PTCD1: variants seen among roughly 807,000 people sequenced by gnomAD.
PTCD1 encodes pentatricopeptide repeat-containing protein 1, mitochondrial.
A neutral mutation model predicts 53.4 loss-of-function variants in PTCD1; 50 were observed. That is an observed-to-expected ratio of 0.94 (90% CI 0.75 to 1.19). PTCD1 has a LOEUF of 1.19. PTCD1 is among the 50% of genes most tolerant of loss of function. The pLI, the probability that PTCD1 is intolerant of heterozygous loss-of-function variation, is 0.00. For missense variants in PTCD1, 918 were observed against 904.8 expected, an observed-to-expected ratio of 1.01 and a Z score of -0.19; for synonymous variants, 413 against 394.8, an observed-to-expected ratio of 1.05 and a Z score of -0.55.
intron 7 of PTCD1, among the ~76,000 whole-genome samples, chr7:99,421,429 TAA>T (rs555898363): frequency 0.017 from 2,077 of 122,070 alleles, 20 homozygotes; most frequent in Non-Finnish European, 0.023. Flanking sequence ...CCCGTCTCTT[TAA>T]AAAAAAAAAA....
intron 5 of PTCD1, 104 bp downstream of exon 5, chr7:99,428,999 T>C: frequency 7.3e-7 from 1 of 1,361,920 alleles, no homozygotes. Context: ...AGCACAGATA[T>C]AAAAATACTC....
At chr7:99,423,076 TC>T (rs1365589925) in intron 7 of PTCD1, among the ~76,000 whole-genome samples, 13 of 145,768 alleles carry the variant, frequency 8.9e-5, no homozygotes, top group African/African-American at 3.5e-4. Context: ...GCTCTTAACC[TC>T]TTTTTTTTTT....
intron 7 of PTCD1, 80 bp from the exon 8 acceptor site, chr7:99,420,229 AGGGAAGCTGGTG>A (rs1795737597): frequency 6.3e-7 from 1 of 1,598,436 alleles, no homozygotes; most frequent in African/African-American, 1.3e-5. Context: ...CTCAGGCCTC[AGGGAAGCTGGTG>A]GCTGCCATTT....
intron 2 of PTCD1, among the ~76,000 whole-genome samples, chr7:99,433,806 C>A (rs1015352619): frequency 3.3e-5 from 5 of 152,128 alleles, no homozygotes; most frequent in Admixed American, 2.0e-4. Context: ...GTAATCCCAG[C>A]ACTTTGGGAG....
chr7:99,425,407 C>T lies in PTCD1; in HGVS notation c.1125G>A (p.Met375Ile). 6.2e-7 allele frequency: 1 copy of T among 1,614,194 alleles called. No individual in the cohort carries two copies. Among genetic ancestry groups the T allele is most frequent in the Non-Finnish European group, 8.5e-7 (1 of 1,180,046 alleles). Residue 375 changes from methionine (M) to isoleucine (I), a missense_variant, in exon 6 of 8, where the codon ATG (methionine) becomes ATA (isoleucine). Transcript: ENST00000292478. ...RTAQAKAGNLMSAMLHVEALE... is the reference protein window; with the variant it reads ...RTAQAKAGNLISAMLHVEALE... ...GGGCCTCCACATGCAGCATGGCTGA[C>T]ATGAGGTTGCCTGCCTTGGCCTGGG...
rs1562847334 is a variant in PTCD1, at chr7:99,434,986, T to C, written c.257A>G (p.Glu86Gly). Reference sequence around the variant, plus strand: ...GTCAGAGAGGGTCCCAAAACTCTCCTCCTCCTCCTCGTCTTCTTCCTGCGT... The same window carrying C: ...GTCAGAGAGGGTCCCAAAACTCTCCCCCTCCTCCTCGTCTTCTTCCTGCGT... ...TATQEEDEEEEESFGTLSDKY... is the reference protein window; with the variant it reads ...TATQEEDEEEGESFGTLSDKY... The change falls in exon 2 of 8, where the codon GAG becomes GGG. Residue 86 changes from glutamate to glycine, a missense_variant. Physicochemically the swap from Glu to Gly is moderately conservative, Grantham distance 98. Coordinates refer to ENST00000292478, the MANE Select transcript of PTCD1 (RefSeq NM_015545.4). 1 of 1,614,174 alleles carries C rather than the reference T, an allele frequency of 6.2e-7. No individual in the cohort carries two copies. Among genetic ancestry groups the C allele is most frequent in the Non-Finnish European group, 8.5e-7 (1 of 1,180,010 alleles).
In PTCD1 at chr7:99,419,553, T is replaced by C. The variant is rs1330735771; in HGVS notation, c.*414A>G. ...CAGGCCCGAGTTGGAGCACGGTCTC[T>C]ATGGGGAAGGCTTCGCTGTCTATCA... On this transcript the variant is annotated 3_prime_UTR_variant, in exon 8 of 8. Transcript: ENST00000292478. 11 of 1,247,726 alleles carry C rather than the reference T, an allele frequency of 8.8e-6. No homozygotes were observed. Among genetic ancestry groups the C allele is most frequent in the East Asian group, 2.3e-5 (1 of 42,882 alleles). The allele number at this position is 1,247,726 out of a possible 1,614,324, so 77.3% of individuals were successfully genotyped here.
At chr7:99,428,287 C>T (rs968975575) in intron 5 of PTCD1, among the ~76,000 whole-genome samples, 2 of 150,862 alleles carry the variant, frequency 1.3e-5, no homozygotes, top group Admixed American at 6.6e-5. Context: ...CCTATAGTCC[C>T]AGCTACTCAG....
At position 99,434,938 on chromosome 7, in the gene PTCD1, A is replaced by G. The variant is rs751050877; in HGVS notation, c.305T>C (p.Phe102Ser). 36 of 1,614,138 alleles carry G rather than the reference A, an allele frequency of 2.2e-5. No individual in the cohort carries two copies. The highest frequency in any genetic ancestry group is 1.0e-5 in the Non-Finnish European group (12 of 1,180,054). ...ATGGAACTGGGCTGCGGATTTGCGGAATAGTCTCCGGGAGGAGTATTTGTC... is the reference window on the plus strand; with the variant it reads ...ATGGAACTGGGCTGCGGATTTGCGGGATAGTCTCCGGGAGGAGTATTTGTC... ...LSDKYSSRRLFRKSAAQFHNL... is the reference protein window; with the variant it reads ...LSDKYSSRRLSRKSAAQFHNL... The change falls in exon 2 of 8, where the codon TTC (phenylalanine) becomes TCC (serine). Residue 102 changes from phenylalanine (F) to serine (S), a missense_variant. Phe to Ser is a radical substitution (Grantham distance 155). Coordinates refer to ENST00000292478, the MANE Select transcript of PTCD1 (RefSeq NM_015545.4).
At chr7:99,424,031 T>C in intron 6 of PTCD1, 74 bp from the exon 7 acceptor site, 3 of 1,570,696 alleles carry the variant, frequency 1.9e-6, no homozygotes, top group East Asian at 2.4e-5. Context: ...CCTCTGTCAA[T>C]CAAGCTGGCT....
intron 5 of PTCD1, among the ~76,000 whole-genome samples, chr7:99,427,142 C>A (rs1343162801): frequency 6.7e-6 from 1 of 149,016 alleles, no homozygotes; most frequent in Non-Finnish European, 1.5e-5. Flanking sequence ...GGGGTCAGCC[C>A]CCCACCCGGC....
rs200914747 is a variant in PTCD1 at position 99,429,116 on chromosome 7, C to T, written c.902G>A (p.Arg301Gln). The change falls in exon 5 of 8, where the codon CGG (arginine) becomes CAG (glutamine). Residue 301 changes from arginine (R) to glutamine (Q), a missense_variant. Transcript: ENST00000292478. ...GCIQDKKTGF[R>Q]YALQVWRLML... ...GGAGGGACATACCTGGAGGGCGTAC[C>T]GGAAGCCTGTCTTCTTGTCTTGGAT... The T allele has an allele frequency of 1.9e-5, 31 of 1,614,114 alleles. No homozygotes were observed. The highest frequency in any genetic ancestry group is 3.3e-5 in the South Asian group (3 of 91,082).
At chr7:99,431,627 G>A (rs954552706) in intron 3 of PTCD1, among the ~76,000 whole-genome samples, 1 of 152,096 alleles carries the variant, frequency 6.6e-6, no homozygotes, top group Non-Finnish European at 1.5e-5. Flanking sequence ...TGTAGTCCCA[G>A]CTACTCGGGA....
intron 1 of PTCD1, among the ~76,000 whole-genome samples, chr7:99,437,005 C>T (rs184258608): frequency 6.6e-6 from 1 of 152,310 alleles, no homozygotes; most frequent in Admixed American, 6.5e-5. Flanking sequence ...ACTAGCACTA[C>T]TGGTGCACAC....
rs1231712276 is a variant in PTCD1, at chr7:99,429,718, A to G, written c.683T>C (p.Leu228Pro). ...CAESPWKDSA[L>P]QSALKLRQQL... ...CTGCCGGAGCTTCAGGGCGCTCTGT[A>G]GAGCTGAGTCCTTCCAGGGGGACTC... Residue 228 changes from leucine to proline, a missense_variant, in exon 4 of 8, where the codon CTA (leucine) becomes CCA (proline). Leu to Pro is a moderately conservative substitution (Grantham distance 98). Coordinates refer to ENST00000292478, the MANE Select transcript of PTCD1 (RefSeq NM_015545.4). The G allele has an allele frequency of 1.7e-5, 28 of 1,614,104 alleles. No homozygotes were observed. Among genetic ancestry groups the G allele is most frequent in the Non-Finnish European group, 2.4e-5 (28 of 1,180,048 alleles).
rs1209692675 is a variant in PTCD1 at position 99,425,353 on chromosome 7, A to G, written c.1179T>C (p.Ser393=). The G allele has an allele frequency of 2.5e-6, 4 of 1,614,154 alleles. No individual in the cohort carries two copies. Among genetic ancestry groups the G allele is most frequent in the Non-Finnish European group, 3.4e-6 (4 of 1,180,026 alleles). ...ALERQLFLEP[S]QALGPPEPPE... ...GAGGCTCTGGAGGCCCAAGTGCCTG[A>G]GAAGGTTCCAGAAACAGCTGCCTCT... Residue 393 remains serine (S), a synonymous_variant, in exon 6 of 8, where the codon TCT becomes TCC. Transcript: ENST00000292478.
chr7:99,435,046 A>C lies in PTCD1; in HGVS notation c.197T>G (p.Leu66Arg), dbSNP rs1584468405. The C allele has an allele frequency of 1.2e-6, 2 of 1,613,288 alleles. No individual in the cohort carries two copies. The highest frequency in any genetic ancestry group is 2.2e-5 in the South Asian group (2 of 91,082). Residue 66 changes from leucine to arginine, a missense_variant, in exon 2 of 8, where the codon CTG becomes CGG. By Grantham distance (102) the Leu-to-Arg change is moderately radical. Transcript: ENST00000292478. ...GTTGGAGTGGCTCGGGTCAGAGCCC[A>C]GGCTGCCCGTGTTTTCCTGACGCTC... is the stretch of plus-strand genomic sequence containing the variant. Reference protein sequence around the residue: ...GQERQENTGSLGSDPSHSNST... With the variant: ...GQERQENTGSRGSDPSHSNST...
chr7:99,423,430 T>C (rs1795903334), intron 7 of PTCD1, among the ~76,000 whole-genome samples: 1 of 152,002 alleles, frequency 6.6e-6, no homozygotes, highest in Admixed American at 6.6e-5. Context: ...GCTGGGCATG[T>C]CTGAGGGCCA....
At chr7:99,422,730 TG>T (rs1257475001) in intron 7 of PTCD1, among the ~76,000 whole-genome samples, 1 of 152,174 alleles carries the variant, frequency 6.6e-6, no homozygotes, top group Non-Finnish European at 1.5e-5. Flanking sequence ...ATGTTCAACG[TG>T]GGGGCCCCAT....
Sources: gnomAD v4.1 joint callset for allele counts (sites outside exome capture counted in the v4.1 genomes callset) on GRCh38, gnomAD v4.1.1 for gene constraint, MANE v1.5 for transcripts, NCBI Gene and HGNC (gene_info 2026-07-23, HGNC 2026-07-21) for gene names.